TMEM156: variants seen among roughly 807,000 people sequenced by gnomAD.
The protein encoded by TMEM156 is transmembrane protein 156.
TMEM156 carries 28 observed loss-of-function variants against 30.5 expected under a neutral mutation model. The observed-to-expected ratio is 0.92, with a 90% CI of 0.68 to 1.26. The LOEUF (loss-of-function observed/expected upper bound fraction) is 1.26. TMEM156 is among the 50% of genes most tolerant of loss of function. The pLI is 0.00. For synonymous variants in TMEM156, 137 were observed against 119.9 expected, an observed-to-expected ratio of 1.14 and a Z score of -0.93; for missense variants, 351 against 340.6, an observed-to-expected ratio of 1.03 and a Z score of -0.24.
chr4:39,022,976 C>T (rs531258299), intron 1 of TMEM156, among the ~76,000 whole-genome samples: 1 of 152,250 alleles, frequency 6.6e-6, no homozygotes, highest in African/African-American at 2.4e-5. Context: ...TAAAATTAAA[C>T]GTACCCAGTG....
At chr4:38,989,267 C>T (rs1020104002) in intron 3 of TMEM156, among the ~76,000 whole-genome samples, 6 of 152,220 alleles carry the variant, frequency 3.9e-5, no homozygotes, top group African/African-American at 9.6e-5. Context: ...CTCGCTGTAA[C>T]TAAGGTAAGA....
rs575275030 is a variant in TMEM156 at position 39,004,763 on chromosome 4, G to A, written c.89-5854C>T. ...GTTATGAATAATGTTGCTGTGAACT[G>A]AAACTCTCATACATTGCTGGTAGGA... On this transcript the variant is annotated intron_variant, in intron 1 of 6. Coordinates refer to ENST00000381938, the MANE Select transcript of TMEM156 (RefSeq NM_024943.3). Among the ~76,000 whole-genome samples, 7 of 152,210 alleles carry A rather than the reference G, an allele frequency of 4.6e-5. No individual in the cohort carries two copies. In the East Asian group the frequency reaches 1.3e-3, roughly 29 times the overall value.
At position 38,993,870 on chromosome 4, in the gene TMEM156, T is replaced by G; in HGVS notation, c.487A>C (p.Asn163His). 1.2e-6 allele frequency: 2 copies of G among 1,614,120 alleles called. No individual in the cohort carries two copies. Among genetic ancestry groups the G allele is most frequent in the South Asian group, 2.2e-5 (2 of 91,090 alleles). ...EEYNTTCHLK[N>H]HTGRSTIMED... The stretch of plus-strand genomic sequence containing the variant: ...ATGATTGTTGATCTTCCAGTGTGGT[T>G]TTTTAGATGACAGGTAGTGTTATAT... The change falls in exon 3 of 7, where the codon AAC becomes CAC. Residue 163 changes from asparagine to histidine, a missense_variant. Coordinates refer to ENST00000381938, the MANE Select transcript of TMEM156 (RefSeq NM_024943.3).
rs148326177 is a variant in TMEM156 at position 39,009,862 on chromosome 4, A to G, written c.89-10953T>C. ...CAAGACAAAGATGTCAACTCTCACC[A>G]TTCTTATTCAACAAAGTACTGGAAG... On this transcript the variant is annotated intron_variant, in intron 1 of 6. Coordinates refer to ENST00000381938, the MANE Select transcript of TMEM156 (RefSeq NM_024943.3). Among the ~76,000 whole-genome samples, 826 of 152,264 alleles carry G rather than the reference A, an allele frequency of 5.4e-3. 6 individuals carry two copies. Among genetic ancestry groups the G allele is most frequent in the Non-Finnish European group, 8.9e-3 (603 of 68,002 alleles).
intron 6 of TMEM156, among the ~76,000 whole-genome samples, chr4:38,969,948 T>C (rs2109851394): frequency 6.6e-6 from 1 of 152,084 alleles, no homozygotes; most frequent in Non-Finnish European, 1.5e-5. Context: ...AATGGAAGAG[T>C]AGTTCTATTT....
intron 1 of TMEM156, among the ~76,000 whole-genome samples, chr4:39,030,235 G>A (rs1715438405): frequency 6.6e-6 from 1 of 151,662 alleles, no homozygotes; most frequent in African/African-American, 2.4e-5. Context: ...TATCTATGCT[G>A]TTCTTGGACC....
At chr4:39,014,079 ACTT>A (rs1274840194) in intron 1 of TMEM156, among the ~76,000 whole-genome samples, 1 of 152,196 alleles carries the variant, frequency 6.6e-6, no homozygotes, top group East Asian at 1.9e-4. Context: ...TGGATACTAA[ACTT>A]CAAGTTTAAT....
intron 1 of TMEM156, among the ~76,000 whole-genome samples, chr4:39,025,220 C>T (rs917039612): frequency 2.0e-5 from 3 of 151,556 alleles, no homozygotes; most frequent in Admixed American, 1.3e-4. Context: ...GTGGTGGGGG[C>T]GCCTGTAATC....
chr4:38,980,964 C>T (rs1366783311), intron 5 of TMEM156: 4 of 984,964 alleles, frequency 4.1e-6, no homozygotes, highest in South Asian at 4.7e-5. Flanking sequence ...CCTATTCCGC[C>T]TATAGATTCT....
intron 1 of TMEM156, among the ~76,000 whole-genome samples, chr4:39,016,814 T>G (rs2110039726): frequency 6.6e-6 from 1 of 152,336 alleles, no homozygotes; most frequent in East Asian, 1.9e-4. Flanking sequence ...TATTAGTCTA[T>G]TCTCACGCTG....
At chr4:38,977,588 A>T (rs1560355827) in intron 5 of TMEM156, among the ~76,000 whole-genome samples, 1 of 152,266 alleles carries the variant, frequency 6.6e-6, no homozygotes, top group Non-Finnish European at 1.5e-5. Context: ...TACATAAGAA[A>T]TACAATTTCT....
chr4:38,980,942 G>A (rs2109892005), intron 5 of TMEM156: 7 of 985,266 alleles, frequency 7.1e-6, no homozygotes, highest in Non-Finnish European at 7.2e-6. Context: ...ATGAATGACT[G>A]GAATAAATCG....
At chr4:38,977,709 A>G (rs889854092) in intron 5 of TMEM156, among the ~76,000 whole-genome samples, 1 of 152,242 alleles carries the variant, frequency 6.6e-6, no homozygotes, top group African/African-American at 2.4e-5. Context: ...TGAAACAAAC[A>G]TTTCTATGAC....
intron 1 of TMEM156, among the ~76,000 whole-genome samples, chr4:39,016,290 T>C (rs1714476363): frequency 6.6e-6 from 1 of 151,830 alleles, no homozygotes; most frequent in Non-Finnish European, 1.5e-5. Context: ...GGAGAATTGC[T>C]TGAACCCGGG....
intron 1 of TMEM156, among the ~76,000 whole-genome samples, chr4:39,020,343 C>T (rs1174747644): frequency 6.6e-6 from 1 of 151,998 alleles, no homozygotes; most frequent in Non-Finnish European, 1.5e-5. Flanking sequence ...GATCCTTTGA[C>T]ACACTGATTT....
chr4:38,983,396 G>A (rs556781472), intron 5 of TMEM156, among the ~76,000 whole-genome samples: 3 of 152,196 alleles, frequency 2.0e-5, no homozygotes, highest in South Asian at 2.1e-4. Flanking sequence ...CTAGGGGTAC[G>A]TTTTAAAGTT....
chr4:38,991,522 C>A (rs955338822), intron 3 of TMEM156, among the ~76,000 whole-genome samples: 1 of 152,084 alleles, frequency 6.6e-6, no homozygotes, highest in Non-Finnish European at 1.5e-5. Flanking sequence ...CCGTGCCCAG[C>A]CACCTTTAAC....
chr4:39,007,296 T>C (rs1713806188), intron 1 of TMEM156, among the ~76,000 whole-genome samples: 1 of 152,200 alleles, frequency 6.6e-6, no homozygotes, highest in African/African-American at 2.4e-5. Context: ...TCAATAAATT[T>C]TAAAATCAGC....
At chr4:38,975,778 C>T (rs886892738) in intron 5 of TMEM156, among the ~76,000 whole-genome samples, 1 of 152,166 alleles carries the variant, frequency 6.6e-6, no homozygotes, top group Non-Finnish European at 1.5e-5. Context: ...ATCTCCTCTC[C>T]TTGAGCGTGG....
Sources: gnomAD v4.1 joint callset for allele counts (sites outside exome capture counted in the v4.1 genomes callset) on GRCh38, gnomAD v4.1.1 for gene constraint, MANE v1.5 for transcripts, NCBI Gene and HGNC (gene_info 2026-07-23, HGNC 2026-07-21) for gene names.